Variants in PRICKLE2 observed in about 807,000 individuals in gnomAD.
PRICKLE2 encodes the protein prickle-like protein 2.
In PRICKLE2, 21 loss-of-function variants were observed where a neutral mutation model predicts 81.4. The ratio of observed to expected loss-of-function variants is 0.26; its 90% CI spans 0.18 to 0.37. The LOEUF is 0.37. Among genes scored for constraint, PRICKLE2 ranks in the 10% least tolerant of loss-of-function variants. The probability of loss-of-function intolerance (pLI) is 1.00; values close to 1 mark genes in which losing one functional copy is unlikely to be tolerated. For synonymous variants in PRICKLE2, 456 were observed against 421.5 expected, an observed-to-expected ratio of 1.08 and a Z score of -1.00; for missense variants, 940 against 1,109.0, an observed-to-expected ratio of 0.85 and a Z score of 2.16.
intron 2 of PRICKLE2, among the ~76,000 whole-genome samples, chr3:64,195,423 G>C (rs1295694013): frequency 6.6e-6 from 1 of 152,118 alleles, no homozygotes; most frequent in Non-Finnish European, 1.5e-5. Flanking sequence ...TCACCTGAAG[G>C]TATATTACCA....
chr3:64,253,092 C>T (rs2079473676), intron 2 of PRICKLE2, among the ~76,000 whole-genome samples: 1 of 151,982 alleles, frequency 6.6e-6, no homozygotes, highest in Non-Finnish European at 1.5e-5. Context: ...GACTAGAAGC[C>T]CTAGGTTAAA....
At position 64,092,967 on chromosome 3, in the gene PRICKLE2, A is replaced by G. The variant is rs771257211; in HGVS notation, c.*6084T>C. ...CTGCATTGTTCTGCAACCCGTCTCC[A>G]GAACTCTTTTCATCTTGCCATAATG... On this transcript the variant is annotated 3_prime_UTR_variant, in exon 8 of 8. Transcript: ENST00000638394. 3 of 152,336 alleles carry G rather than the reference A, an allele frequency of 2.0e-5. No homozygotes were observed. The highest frequency in any genetic ancestry group is 4.4e-5 in the Non-Finnish European group (3 of 68,130). The allele number at this position is 152,336 out of a possible 1,614,324, so 9.4% of individuals were successfully genotyped here. A position where few individuals can be genotyped will look rare whatever the true frequency, so the allele number is the denominator to read the frequency against.
Position 64,157,343 on chromosome 3 carries a change from C to G in PRICKLE2, c.419G>C (p.Gly140Ala). 1 of 1,613,398 alleles carries G rather than the reference C, an allele frequency of 6.2e-7. No homozygotes were observed. Among genetic ancestry groups the G allele is most frequent in the Non-Finnish European group, 8.5e-7 (1 of 1,180,026 alleles). Residue 140 changes from glycine (G) to alanine (A), a missense_variant, in exon 5 of 8, where the codon GGA becomes GCA. This residue lies in a region of PRICKLE2 where 270 missense variants were observed against 391.8 expected (regional missense o/e 0.69). Coordinates refer to ENST00000638394, the MANE Select transcript of PRICKLE2 (RefSeq NM_198859.4). Reference protein sequence around the residue: ...CEQCGGQINGGDIAVFASRAG... With the variant: ...CEQCGGQINGADIAVFASRAG... Reference sequence around the variant, plus strand: ...GCGTGACGCAAACACAGCGATGTCTCCACCATTGATCTGGCCTCCGCACTG... The same window carrying G: ...GCGTGACGCAAACACAGCGATGTCTGCACCATTGATCTGGCCTCCGCACTG...
intron 2 of PRICKLE2, among the ~76,000 whole-genome samples, chr3:64,188,895 T>G (rs900103422): frequency 6.6e-6 from 1 of 152,232 alleles, no homozygotes; most frequent in African/African-American, 2.4e-5. Context: ...TGTCAACTCC[T>G]TGCTCCAGAT....
chr3:64,168,269 C>T (rs553254602), intron 2 of PRICKLE2, among the ~76,000 whole-genome samples: 38 of 152,082 alleles, frequency 2.5e-4, no homozygotes, highest in Non-Finnish European at 4.3e-4. Context: ...CATCTAGATG[C>T]GGAGGGGGCC....
chr3:64,228,332 G>A (rs1194289573), upstream of PRICKLE2, among the ~76,000 whole-genome samples: 1 of 152,072 alleles, frequency 6.6e-6, no homozygotes. Flanking sequence ...GTCCTCAAAG[G>A]CCTAATTGCA....
At chr3:64,232,772 A>G (rs1001940669) in intron 2 of PRICKLE2, among the ~76,000 whole-genome samples, 5 of 152,122 alleles carry the variant, frequency 3.3e-5, no homozygotes, top group Non-Finnish European at 7.4e-5. Flanking sequence ...AGTTGAGTCC[A>G]CACCATATCC....
intron 7 of PRICKLE2, among the ~76,000 whole-genome samples, chr3:64,144,863 C>G (rs1055489822): frequency 4.6e-5 from 7 of 152,122 alleles, no homozygotes; most frequent in Non-Finnish European, 7.4e-5. Flanking sequence ...TGGATGGCAC[C>G]GCAACATCGA....
intron 2 of PRICKLE2, among the ~76,000 whole-genome samples, chr3:64,245,177 C>T (rs1435000668): frequency 6.6e-6 from 1 of 151,912 alleles, no homozygotes; most frequent in Non-Finnish European, 1.5e-5. Context: ...CTTGATTTAA[C>T]AAGAAAAAAT....
chr3:64,160,122 C>T (rs2077708206), intron 3 of PRICKLE2, 45 bp from the exon 4 acceptor site: 13 of 1,602,984 alleles, frequency 8.1e-6, no homozygotes, highest in Non-Finnish European at 1.1e-5. Context: ...ACCCTTGCTC[C>T]TTAAGATTTC....
intron 2 of PRICKLE2, among the ~76,000 whole-genome samples, chr3:64,169,744 C>A (rs946594499): frequency 6.6e-6 from 1 of 152,204 alleles, no homozygotes; most frequent in East Asian, 1.9e-4. Flanking sequence ...CTAATTCGAA[C>A]ACTGATCCTT....
intron 1 of PRICKLE2, among the ~76,000 whole-genome samples, chr3:64,210,285 C>A (rs2078764018): frequency 6.6e-6 from 1 of 152,162 alleles, no homozygotes; most frequent in Non-Finnish European, 1.5e-5. Context: ...CTGCCCCTAG[C>A]CACAATACTT....
intron 1 of PRICKLE2, chr3:64,199,529 A>T (rs2078530400): frequency 6.5e-6 from 1 of 153,914 alleles, no homozygotes; most frequent in South Asian, 2.0e-4. Context: ...TGGCCCTAAG[A>T]TCTCATAGGA....
At chr3:64,158,304 A>T (rs1476114947) in intron 4 of PRICKLE2, among the ~76,000 whole-genome samples, 1 of 152,210 alleles carries the variant, frequency 6.6e-6, no homozygotes, top group Non-Finnish European at 1.5e-5. Context: ...TTAGAAAATG[A>T]AGTAAAGACC....
In PRICKLE2 at chr3:64,157,324, C is replaced by G; in HGVS notation, c.438G>C (p.Ala146=). 4 of 1,613,852 alleles carry G rather than the reference C, an allele frequency of 2.5e-6. No individual in the cohort carries two copies. The highest frequency in any genetic ancestry group is 3.4e-6 in the Non-Finnish European group (4 of 1,180,042). ...AGCAAACGCCGTGGCCAGCGCGTGA[C>G]GCAAACACAGCGATGTCTCCACCAT... ...QINGGDIAVF[A]SRAGHGVCWH... Residue 146 remains alanine, a synonymous_variant, in exon 5 of 8, where the codon GCG becomes GCC. Coordinates refer to ENST00000638394, the MANE Select transcript of PRICKLE2 (RefSeq NM_198859.4).
chr3:64,165,216 G>C (rs539970310), intron 2 of PRICKLE2, among the ~76,000 whole-genome samples: 16 of 152,186 alleles, frequency 1.1e-4, no homozygotes, highest in African/African-American at 3.9e-4. Context: ...TCAGGCCTGA[G>C]AGCCCTTCTT....
chr3:64,198,640 G>T, intron 2 of PRICKLE2, 144 bp downstream of exon 2: 1 of 852,362 alleles, frequency 1.2e-6, no homozygotes, highest in Non-Finnish European at 2.0e-6. Context: ...TTCCACTGGG[G>T]CCCCTGGCAT....
At chr3:64,187,315 T>C (rs2078252660) in intron 2 of PRICKLE2, among the ~76,000 whole-genome samples, 1 of 152,240 alleles carries the variant, frequency 6.6e-6, no homozygotes, top group African/African-American at 2.4e-5. Flanking sequence ...GGAGCCAAGA[T>C]AAATACAGCA....
intron 1 of PRICKLE2, among the ~76,000 whole-genome samples, chr3:64,221,958 T>C (rs2078962846): frequency 6.6e-6 from 1 of 152,220 alleles, no homozygotes; most frequent in African/African-American, 2.4e-5. Flanking sequence ...TTTACTTGGA[T>C]TTCCCAAATA....
Sources: gnomAD v4.1 joint callset for allele counts (sites outside exome capture counted in the v4.1 genomes callset) on GRCh38, gnomAD v4.1.1 for gene constraint, gnomAD v4.1.1 regional missense constraint, MANE v1.5 for transcripts, NCBI Gene and HGNC (gene_info 2026-07-23, HGNC 2026-07-21) for gene names.